The following CREBRF variants were observed in gnomAD, a reference collection of about 807,000 sequenced individuals.
CREBRF encodes the protein UPF0474 protein C5orf41.
CREBRF carries 5 observed loss-of-function variants against 66.1 expected under a neutral mutation model. The observed-to-expected ratio is 0.08, with a 90% CI of 0.04 to 0.16. The LOEUF is 0.16. CREBRF is among the 10% of genes least tolerant of loss of function. The probability of loss-of-function intolerance (pLI) is 1.00; values close to 1 mark genes in which losing one functional copy is unlikely to be tolerated. For missense variants in CREBRF, 531 were observed against 744.9 expected, an observed-to-expected ratio of 0.71 and a Z score of 3.34; for synonymous variants, 229 against 264.4, an observed-to-expected ratio of 0.87 and a Z score of 1.30.
At chr5:173,076,670 C>T (rs1201123666) in intron 1 of CREBRF, among the ~76,000 whole-genome samples, 7 of 149,564 alleles carry the variant, frequency 4.7e-5, no homozygotes, top group African/African-American at 7.4e-5. Context: ...GCACAGCAAT[C>T]GCTTGAATCC....
intron 4 of CREBRF, among the ~76,000 whole-genome samples, chr5:173,095,965 A>G (rs1400840936): frequency 6.6e-6 from 1 of 151,862 alleles, no homozygotes; most frequent in African/African-American, 2.4e-5. Context: ...TAACAGTTCT[A>G]TGGTGAAGTC....
At chr5:173,109,095 A>C (rs779908470) in intron 5 of CREBRF, 1 of 318,878 alleles carries the variant, frequency 3.1e-6, no homozygotes, top group Non-Finnish European at 5.7e-6. Flanking sequence ...GGAAATGACT[A>C]GGAGGCTGCT....
Position 173,125,644 on chromosome 5 carries a change from C to G in CREBRF, c.1804+2442C>G, listed in dbSNP as rs1282977510. Among the ~76,000 whole-genome samples the G allele has an allele frequency of 9.2e-5, 14 of 152,250 alleles. No individual in the cohort carries two copies. The East Asian group carries it at 2.7e-3, about 29-fold the overall frequency. ...CTTTGGGAGGCCGAGGCAGGCAGAT[C>G]ACGAGGTCAGGAGATCGAGATCATC... On this transcript the variant is annotated intron_variant, in intron 8 of 8. Transcript: ENST00000296953.
At chr5:173,117,483 CCTTTTCCTTTT>C (rs1284011682) in intron 7 of CREBRF, among the ~76,000 whole-genome samples, 4 of 150,644 alleles carry the variant, frequency 2.7e-5, no homozygotes, top group Non-Finnish European at 5.9e-5. Context: ...CTTTTCCTTT[CCTTTTCCTTTT>C]TCCTTTCCTT....
At chr5:173,091,921 C>T (rs1581682242) in intron 4 of CREBRF, 8 of 348,748 alleles carry the variant, frequency 2.3e-5, no homozygotes, top group Non-Finnish European at 3.2e-5. Flanking sequence ...CCTGTCTCTA[C>T]TAAAAATACA....
intron 7 of CREBRF, among the ~76,000 whole-genome samples, chr5:173,119,532 G>A (rs1049121879): frequency 8.5e-5 from 13 of 152,218 alleles, no homozygotes; most frequent in Non-Finnish European, 1.6e-4. Flanking sequence ...CCAGTAGTAG[G>A]TATGTAGATT....
intron 4 of CREBRF, 144 bp downstream of exon 4, chr5:173,091,545 T>C: frequency 6.9e-7 from 1 of 1,448,744 alleles, no homozygotes; most frequent in Non-Finnish European, 9.1e-7. Context: ...GGATATGTAA[T>C]TGGTTTTTCT....
chr5:173,132,862 C>T (rs1048453602), intron 8 of CREBRF, among the ~76,000 whole-genome samples: 9 of 150,200 alleles, frequency 6.0e-5, no homozygotes, highest in Non-Finnish European at 1.2e-4. Flanking sequence ...GGTGATCCGC[C>T]AACCTCAGGT....
chr5:173,068,425 A>G (rs1757498335), intron 1 of CREBRF, among the ~76,000 whole-genome samples: 1 of 152,260 alleles, frequency 6.6e-6, no homozygotes, highest in African/African-American at 2.4e-5. Context: ...ATTTTATATG[A>G]CTCTGTTTCA....
chr5:173,087,372 C>T (rs1357476460), intron 3 of CREBRF, among the ~76,000 whole-genome samples: 4 of 152,038 alleles, frequency 2.6e-5, no homozygotes, highest in Non-Finnish European at 4.4e-5. Context: ...CATGAGCCAT[C>T]GCACCTGGCC....
intron 4 of CREBRF, among the ~76,000 whole-genome samples, chr5:173,105,357 A>T (rs892025615): frequency 3.3e-5 from 5 of 152,048 alleles, no homozygotes; most frequent in Non-Finnish European, 5.9e-5. Flanking sequence ...ATTGATAGGA[A>T]GGTGGGAGTG....
In CREBRF at chr5:173,137,112, T is replaced by C. The variant is rs1349608523; in HGVS notation, c.*3367T>C. 6.6e-6 allele frequency: 1 copy of C among 152,074 alleles called. No individual in the cohort carries two copies. Among genetic ancestry groups the C allele is most frequent in the Non-Finnish European group, 1.5e-5 (1 of 67,930 alleles). 9.4% of individuals were successfully genotyped at this position (152,074 alleles called of 1,614,324 possible). ...TTGGGTGCCACACTTTTCCAGTCAA[T>C]ATAATTGCTTGTTCTACTGTACCAT... On this transcript the variant is annotated 3_prime_UTR_variant, in exon 9 of 9. Coordinates refer to ENST00000296953, the MANE Select transcript of CREBRF (RefSeq NM_153607.3).
At chr5:173,064,285 G>C (rs1163756048) in intron 1 of CREBRF, among the ~76,000 whole-genome samples, 1 of 152,178 alleles carries the variant, frequency 6.6e-6, no homozygotes. Flanking sequence ...ATTAGGGGTA[G>C]GGTGGGTGTA....
intron 7 of CREBRF, among the ~76,000 whole-genome samples, chr5:173,121,914 G>A (rs978900744): frequency 3.3e-5 from 5 of 152,082 alleles, no homozygotes; most frequent in East Asian, 3.9e-4. Context: ...GGAGCACAGC[G>A]GCTATTCACA....
intron 3 of CREBRF, among the ~76,000 whole-genome samples, chr5:173,089,691 C>G (rs1203284658): frequency 6.6e-6 from 1 of 151,112 alleles, no homozygotes; most frequent in Admixed American, 6.6e-5. Context: ...AAAAAATCAT[C>G]TCTAAAATTC....
intron 6 of CREBRF, 92 bp downstream of exon 6, chr5:173,110,803 T>G: frequency 1.2e-6 from 1 of 852,502 alleles, no homozygotes; most frequent in Admixed American, 3.1e-5. Flanking sequence ...ACAAAGAAAT[T>G]GTATTTTTCT....
At chr5:173,123,446 C>A (rs1759190297) in intron 8 of CREBRF, 2 of 361,830 alleles carry the variant, frequency 5.5e-6, no homozygotes, top group African/African-American at 2.2e-5. Flanking sequence ...AAACAAACTT[C>A]TAGCAACTTT....
intron 8 of CREBRF, among the ~76,000 whole-genome samples, chr5:173,133,077 T>C (rs564548747): frequency 1.2e-4 from 18 of 152,376 alleles, no homozygotes; most frequent in African/African-American, 4.3e-4. Context: ...TACATACTTA[T>C]GCTGCTCCCA....
chr5:173,112,224 C>T (rs1232379976), intron 6 of CREBRF, 82 bp from the exon 7 acceptor site: 6 of 971,414 alleles, frequency 6.2e-6, no homozygotes, highest in Admixed American at 2.7e-5. Context: ...GGCAACATAG[C>T]GAGACCCCTT....
Sources: gnomAD v4.1 joint callset for allele counts (sites outside exome capture counted in the v4.1 genomes callset) on GRCh38, gnomAD v4.1.1 for gene constraint, MANE v1.5 for transcripts, NCBI Gene and HGNC (gene_info 2026-07-23, HGNC 2026-07-21) for gene names.